Variants in RSF1 observed in about 807,000 individuals in gnomAD.
RSF1 encodes the protein remodeling and spacing factor 1.
In RSF1, 13 loss-of-function variants were observed where a neutral mutation model predicts 145.2. That is an observed-to-expected ratio of 0.09 (90% CI 0.06 to 0.14). The LOEUF (loss-of-function observed/expected upper bound fraction) is 0.14. Among genes scored for constraint, RSF1 ranks in the 10% least tolerant of loss-of-function variants. The probability of loss-of-function intolerance (pLI) is 1.00; values close to 1 mark genes in which losing one functional copy is unlikely to be tolerated. For missense variants in RSF1, 1,517 were observed against 1,718.2 expected, an observed-to-expected ratio of 0.88 and a Z score of 2.07; for synonymous variants, 577 against 592.6, an observed-to-expected ratio of 0.97 and a Z score of 0.38.
intron 1 of RSF1, among the ~76,000 whole-genome samples, chr11:77,816,202 T>C (rs983452250): frequency 2.6e-5 from 4 of 152,234 alleles, no homozygotes; most frequent in Non-Finnish European, 5.9e-5. Context: ...CTACTATTAA[T>C]GTATGTATGC....
At chr11:77,738,107 C>T (rs1179632812) in intron 4 of RSF1, among the ~76,000 whole-genome samples, 1 of 151,994 alleles carries the variant, frequency 6.6e-6, no homozygotes, top group Non-Finnish European at 1.5e-5. Context: ...CCCGCCTGGG[C>T]GACAGAGTGA....
At chr11:77,693,419 G>A in intron 8 of RSF1, 88 bp downstream of exon 8, 1 of 793,168 alleles carries the variant, frequency 1.3e-6, no homozygotes. Context: ...TGCTTTGAAG[G>A]TTAAAAATAT....
the RSF1 span, among the ~76,000 whole-genome samples, chr11:77,852,089 AG>A: frequency 1.3e-5 from 2 of 151,866 alleles, no homozygotes; most frequent in African/African-American, 4.8e-5. Context: ...AGTTGTGGGC[AG>A]CCATAGTGGC....
At chr11:77,835,242 C>T in the RSF1 span, among the ~76,000 whole-genome samples, 1 of 152,216 alleles carries the variant, frequency 6.6e-6, no homozygotes, top group East Asian at 1.9e-4. Context: ...ACCCTTTGCC[C>T]CGTCCCACTT....
chr11:77,825,239 C>G (rs557411152), upstream of RSF1, among the ~76,000 whole-genome samples: 1 of 152,062 alleles, frequency 6.6e-6, no homozygotes, highest in South Asian at 2.1e-4. Context: ...ACCTCAGCCT[C>G]CCAAAGTGCT....
intron 1 of RSF1, among the ~76,000 whole-genome samples, chr11:77,808,695 G>T (rs948619666): frequency 7.3e-6 from 1 of 136,236 alleles, no homozygotes. Flanking sequence ...CACTACGCCC[G>T]GCTAATTTTT....
At chr11:77,760,693 A>C (rs1342693774) in intron 2 of RSF1, among the ~76,000 whole-genome samples, 2 of 152,244 alleles carry the variant, frequency 1.3e-5, no homozygotes, top group African/African-American at 4.8e-5. Flanking sequence ...CAACCTAATT[A>C]TCAAATGACA....
chr11:77,814,230 A>G (rs1037357320), intron 1 of RSF1, among the ~76,000 whole-genome samples: 8 of 142,534 alleles, frequency 5.6e-5, no homozygotes, highest in African/African-American at 1.8e-4. Flanking sequence ...ACAAGTGGTG[A>G]CTCATGCCTG....
intron 2 of RSF1, among the ~76,000 whole-genome samples, chr11:77,749,787 C>T (rs769265350): frequency 5.3e-5 from 8 of 152,018 alleles, no homozygotes; most frequent in African/African-American, 1.2e-4. Context: ...CTCACTCTGT[C>T]GCCCAGGCTG....
chr11:77,675,922 A>T (rs1959689013), intron 13 of RSF1, among the ~76,000 whole-genome samples: 1 of 152,236 alleles, frequency 6.6e-6, no homozygotes, highest in Non-Finnish European at 1.5e-5. Context: ...AAGTCAAAAC[A>T]CTTATGCATG....
rs930976038 is a variant in RSF1 at position 77,713,456 on chromosome 11, T to C, written c.734-10961A>G. Among the ~76,000 whole-genome samples the C allele has an allele frequency of 3.3e-5, 5 of 152,206 alleles. No individual in the cohort carries two copies. The East Asian group carries it at 5.8e-4, about 18-fold the overall frequency. On this transcript the variant is annotated intron_variant, in intron 5 of 15. Coordinates refer to ENST00000308488, the MANE Select transcript of RSF1 (RefSeq NM_016578.4). The stretch of plus-strand genomic sequence containing the variant: ...TTCCCTTGTAAGTCATTTGGTCTTT[T>C]TGTCTGGATACGCAAGGTATTTCTT...
At chr11:77,870,007 G>A in the RSF1 span, 2 of 442,610 alleles carry the variant, frequency 4.5e-6, no homozygotes, top group African/African-American at 4.0e-5. Context: ...ACCTAACCCT[G>A]AGACAGTGTC....
At position 77,701,285 on chromosome 11, in the gene RSF1, T is replaced by C. The variant is rs754297513; in HGVS notation, c.1944A>G (p.Val648=). Residue 648 remains valine, a synonymous_variant, in exon 6 of 16, where the codon GTA becomes GTG. Transcript: ENST00000308488. Reference sequence around the variant, plus strand: ...CAACAGTACTTGTACTCTGGCATTCTACCACTTCTTTTTCTGAGGCTAGTT... The same window carrying C: ...CAACAGTACTTGTACTCTGGCATTCCACCACTTCTTTTTCTGAGGCTAGTT... ...CEKLASEKEV[V]ECQSTSTVGG... is the part of the protein sequence containing the mutation. The C allele has an allele frequency of 3.8e-5, 62 of 1,614,048 alleles. No homozygotes were observed. The highest frequency in any genetic ancestry group is 4.8e-5 in the Non-Finnish European group (57 of 1,180,014).
chr11:77,671,462 A>T (rs111507607), intron 15 of RSF1, among the ~76,000 whole-genome samples: 49 of 151,984 alleles, frequency 3.2e-4, no homozygotes, highest in African/African-American at 1.2e-3. Flanking sequence ...TAAGAAAAAG[A>T]AGTAGAATAA....
intron 1 of RSF1, among the ~76,000 whole-genome samples, chr11:77,787,267 T>A (rs1200289859): frequency 6.6e-6 from 1 of 152,190 alleles, no homozygotes; most frequent in Non-Finnish European, 1.5e-5. Flanking sequence ...CTAACACTGG[T>A]TAAAGCAACA....
At chr11:77,756,127 G>A (rs1948113131) in intron 2 of RSF1, among the ~76,000 whole-genome samples, 1 of 152,066 alleles carries the variant, frequency 6.6e-6, no homozygotes, top group Middle Eastern at 3.2e-3. Flanking sequence ...GGAGTGCAAG[G>A]CGGGCAGATC....
chr11:77,804,388 C>T (rs553048041), intron 1 of RSF1, among the ~76,000 whole-genome samples: 1 of 152,224 alleles, frequency 6.6e-6, no homozygotes, highest in East Asian at 1.9e-4. Flanking sequence ...GCATGGGGAC[C>T]CCACCTATAG....
At chr11:77,687,715 A>G (rs1247750106) in intron 9 of RSF1, among the ~76,000 whole-genome samples, 2 of 152,166 alleles carry the variant, frequency 1.3e-5, no homozygotes, top group African/African-American at 2.4e-5. Context: ...AATAAAAAGG[A>G]TGACATTTAA....
chr11:77,796,271 G>A (rs191351114), intron 1 of RSF1, among the ~76,000 whole-genome samples: 11 of 152,144 alleles, frequency 7.2e-5, no homozygotes, highest in Admixed American at 2.0e-4. Context: ...ATACAATATT[G>A]GCAAACCAAA....
Sources: gnomAD v4.1 joint callset for allele counts (sites outside exome capture counted in the v4.1 genomes callset) on GRCh38, gnomAD v4.1.1 for gene constraint, MANE v1.5 for transcripts, NCBI Gene and HGNC (gene_info 2026-07-23, HGNC 2026-07-21) for gene names.